Variants in WSCD1 observed in about 807,000 individuals in gnomAD.
WSCD1 encodes WSC domain sialate O sulfotransferase 1.
WSCD1 carries 41 observed loss-of-function variants against 60.4 expected under a neutral mutation model. That is an observed-to-expected ratio of 0.68 (90% CI 0.53 to 0.88). The LOEUF (loss-of-function observed/expected upper bound fraction) is 0.88, where lower values mean the gene tolerates loss of function less well. Among genes scored for constraint, WSCD1 ranks in the 40% least tolerant of loss-of-function variants. The pLI is 0.00. For missense variants in WSCD1, 784 were observed against 796.2 expected (o/e 0.98, Z 0.18); for synonymous variants, 361 against 332.5 (o/e 1.09, Z -0.93).
At chr17:6,090,712 A>G (rs774786355) in intron 4 of WSCD1, among the ~76,000 whole-genome samples, 7 of 151,958 alleles carry the variant, frequency 4.6e-5, no homozygotes, top group Non-Finnish European at 1.0e-4. Flanking sequence ...TGAGTTCATG[A>G]CTGAAGCATA....
intron 5 of WSCD1, among the ~76,000 whole-genome samples, chr17:6,104,228 T>C (rs1910964372): frequency 6.6e-6 from 1 of 152,164 alleles, no homozygotes; most frequent in South Asian, 2.1e-4. Context: ...ACCAAGCGGA[T>C]GGTGCTAAGC....
At chr17:6,088,319 G>C (rs1909795056) in intron 3 of WSCD1, among the ~76,000 whole-genome samples, 1 of 151,612 alleles carries the variant, frequency 6.6e-6, no homozygotes, top group African/African-American at 2.4e-5. Context: ...CTGAGAGCTG[G>C]GTGACCGCCT....
chr17:6,112,187 A>G (rs899728155), intron 7 of WSCD1, among the ~76,000 whole-genome samples: 1 of 152,246 alleles, frequency 6.6e-6, no homozygotes, highest in African/African-American at 2.4e-5. Context: ...AGAACAAGCC[A>G]ATCCAAAAGT....
chr17:6,072,800 C>T (rs773461257), intron 1 of WSCD1, among the ~76,000 whole-genome samples: 11 of 152,184 alleles, frequency 7.2e-5, no homozygotes, highest in Non-Finnish European at 8.8e-5. Flanking sequence ...CTTTGACAAT[C>T]GTGCTGACAT....
chr17:6,089,402 T>C (rs1477744003), intron 3 of WSCD1, among the ~76,000 whole-genome samples: 1 of 152,232 alleles, frequency 6.6e-6, no homozygotes, highest in Non-Finnish European at 1.5e-5. Context: ...TTTGAAAGTG[T>C]TGACTGCTTT....
intron 8 of WSCD1, 111 bp from the exon 9 acceptor site, chr17:6,120,198 A>G: frequency 8.7e-7 from 1 of 1,153,128 alleles, no homozygotes. Context: ...GACTCTAGGC[A>G]GTGGACAGTG....
chr17:6,090,989 C>T (rs1026240310), intron 4 of WSCD1, among the ~76,000 whole-genome samples: 4 of 152,168 alleles, frequency 2.6e-5, no homozygotes, highest in African/African-American at 7.2e-5. Flanking sequence ...CTCTCCGGTT[C>T]AAACAATTCT....
intron 5 of WSCD1, among the ~76,000 whole-genome samples, chr17:6,105,394 CT>C (rs1911031107): frequency 6.6e-6 from 1 of 152,074 alleles, no homozygotes; most frequent in African/African-American, 2.4e-5. Context: ...TTTTCCTCTT[CT>C]TTCTCTCACT....
chr17:6,089,344 C>T (rs1909877069), intron 3 of WSCD1, among the ~76,000 whole-genome samples: 2 of 152,192 alleles, frequency 1.3e-5, no homozygotes, highest in Non-Finnish European at 2.9e-5. Context: ...GGACTTGAAG[C>T]TTGTGTTTGG....
intron 1 of WSCD1, among the ~76,000 whole-genome samples, chr17:6,079,625 A>G (rs1228921300): frequency 6.6e-6 from 1 of 152,126 alleles, no homozygotes; most frequent in Admixed American, 6.5e-5. Flanking sequence ...AAGGCTACAC[A>G]AGCCCCTCCC....
chr17:6,115,889 C>G (rs1031388581), intron 7 of WSCD1, among the ~76,000 whole-genome samples: 1 of 152,128 alleles, frequency 6.6e-6, no homozygotes, highest in Non-Finnish European at 1.5e-5. Context: ...AACCACCATG[C>G]CTAGCCCATT....
At chr17:6,116,833 A>C (rs1241129207) in intron 7 of WSCD1, among the ~76,000 whole-genome samples, 1 of 152,206 alleles carries the variant, frequency 6.6e-6, no homozygotes, top group Non-Finnish European at 1.5e-5. Flanking sequence ...GGTAGGACTC[A>C]TTTTGTTTCC....
chr17:6,114,464 T>C (rs1181882082), intron 7 of WSCD1, among the ~76,000 whole-genome samples: 3 of 142,222 alleles, frequency 2.1e-5, no homozygotes. Context: ...TTGACAATAA[T>C]TGATTGTATG....
intron 1 of WSCD1, among the ~76,000 whole-genome samples, chr17:6,077,280 G>T (rs1303474785): frequency 1.3e-5 from 2 of 151,996 alleles, no homozygotes; most frequent in African/African-American, 2.4e-5. Flanking sequence ...GTAGAGACGG[G>T]GTTTCACCAT....
intron 3 of WSCD1, 79 bp from the exon 4 acceptor site, chr17:6,090,242 A>G (rs1909934503): frequency 2.2e-6 from 3 of 1,382,998 alleles, no homozygotes; most frequent in Non-Finnish European, 2.9e-6. Flanking sequence ...ATCTACATCA[A>G]GCTGAAACAG....
At chr17:6,117,842 T>C in intron 7 of WSCD1, 146 bp from the exon 8 acceptor site, 1 of 768,510 alleles carries the variant, frequency 1.3e-6, no homozygotes, top group East Asian at 2.7e-5. Context: ...CCTATCACCA[T>C]CCATAGGTCC....
chr17:6,108,518 G>A (rs1911230635), intron 5 of WSCD1, among the ~76,000 whole-genome samples: 1 of 152,162 alleles, frequency 6.6e-6, no homozygotes, highest in Non-Finnish European at 1.5e-5. Context: ...GAGGTGGGTG[G>A]ATACATTTTT....
intron 7 of WSCD1, among the ~76,000 whole-genome samples, chr17:6,113,607 G>A (rs560842995): frequency 6.6e-6 from 1 of 151,946 alleles, no homozygotes; most frequent in South Asian, 2.1e-4. Flanking sequence ...ATCCAACAAG[G>A]GATTAATAAC....
chr17:6,088,140 G>A (rs750161291), intron 3 of WSCD1, 36 bp downstream of exon 3: 1 of 1,581,474 alleles, frequency 6.3e-7, no homozygotes, highest in South Asian at 1.1e-5. Flanking sequence ...GATTCTAGAG[G>A]CAGGAAGGTC....
Sources: allele counts gnomAD v4.1 joint callset (sites outside exome capture counted in the v4.1 genomes callset), GRCh38; gene constraint gnomAD v4.1.1; transcripts MANE v1.5; gene names NCBI Gene and HGNC (gene_info 2026-07-23, HGNC 2026-07-21).